The following SORCS1 variants were observed in gnomAD, a reference collection of about 807,000 sequenced individuals.
The protein encoded by SORCS1 is sortilin related VPS10 domain containing receptor 1.
SORCS1 carries 60 observed loss-of-function variants against 146.1 expected under a neutral mutation model. The observed-to-expected ratio is 0.41, with a 90% CI of 0.33 to 0.51. The LOEUF is 0.51. SORCS1 is among the 20% of genes least tolerant of loss of function. The probability of loss-of-function intolerance (pLI) is 0.21; values close to 1 mark genes in which losing one functional copy is unlikely to be tolerated. For synonymous variants in SORCS1, 637 were observed against 584.0 expected, an observed-to-expected ratio of 1.09 and a Z score of -1.31; for missense variants, 1,352 against 1,487.6, an observed-to-expected ratio of 0.91 and a Z score of 1.50.
chr10:106,877,237 A>G (rs567855118), intron 2 of SORCS1, among the ~76,000 whole-genome samples: 1 of 152,282 alleles, frequency 6.6e-6, no homozygotes, highest in South Asian at 2.1e-4. Context: ...ATGGGCTGTA[A>G]GAGAAAAATG....
intron 1 of SORCS1, among the ~76,000 whole-genome samples, chr10:106,957,651 A>G (rs1476956284): frequency 6.6e-6 from 1 of 151,858 alleles, no homozygotes; most frequent in East Asian, 1.9e-4. Context: ...ACCGTGTAAT[A>G]TATTTCTTAT....
intron 1 of SORCS1, 49 bp downstream of exon 1, chr10:107,163,920 A>C: frequency 5.8e-6 from 9 of 1,563,952 alleles, no homozygotes; most frequent in Non-Finnish European, 7.8e-6. Context: ...AGCCGACTTT[A>C]ACCCTTTCCA....
intron 2 of SORCS1, among the ~76,000 whole-genome samples, chr10:106,890,503 G>A (rs562513949): frequency 2.0e-5 from 3 of 152,256 alleles, no homozygotes; most frequent in Admixed American, 2.0e-4. Flanking sequence ...AAATGTGATC[G>A]CTAGCGATGA....
chr10:107,007,094 G>A (rs1385988586), intron 1 of SORCS1, among the ~76,000 whole-genome samples: 1 of 152,052 alleles, frequency 6.6e-6, no homozygotes, highest in Non-Finnish European at 1.5e-5. Context: ...TGTTAACCTT[G>A]GTCTAAAACT....
chr10:106,741,170 G>A (rs1857333704), intron 5 of SORCS1, among the ~76,000 whole-genome samples: 2 of 152,254 alleles, frequency 1.3e-5, no homozygotes, highest in African/African-American at 4.8e-5. Context: ...CACTCAGAGT[G>A]TATCAAGGTT....
At position 106,709,121 on chromosome 10, in the gene SORCS1, CCT is replaced by C. The variant is rs556885534; in HGVS notation, c.1143+100_1143+101del. 149 of 820,846 alleles carry C rather than the reference CCT, an allele frequency of 1.8e-4. No individual in the cohort carries two copies. The African/African-American group carries it at 2.3e-3, about 13-fold the overall frequency. 50.8% of individuals were successfully genotyped at this position (820,846 alleles called of 1,614,324 possible). On this transcript the variant is annotated intron_variant, in intron 7 of 25. Transcript: ENST00000263054. ...CCCTACCTCCTTCCCTCCCTCCCAT[CCT>C]CTCTTTTTGACTCTTAATGGAGTGT...
intron 2 of SORCS1, among the ~76,000 whole-genome samples, chr10:106,920,940 G>A (rs1952680990): frequency 6.6e-6 from 1 of 151,984 alleles, no homozygotes; most frequent in African/African-American, 2.4e-5. Context: ...TCTGTTGAAC[G>A]AGACCTGAGA....
At chr10:106,649,683 T>C (rs549269650) in intron 18 of SORCS1, among the ~76,000 whole-genome samples, 1 of 152,292 alleles carries the variant, frequency 6.6e-6, no homozygotes, top group African/African-American at 2.4e-5. Context: ...AGCCCTGATC[T>C]TTTCAAAAAT....
chr10:106,622,901 T>C (rs1010797628), intron 19 of SORCS1, among the ~76,000 whole-genome samples: 17 of 152,202 alleles, frequency 1.1e-4, no homozygotes, highest in African/African-American at 3.9e-4. Flanking sequence ...AAAATAGCTA[T>C]TAAGAGTTGC....
Position 106,849,037 on chromosome 10 carries a change from C to G in SORCS1, c.627-19364G>C, listed in dbSNP as rs1477834554. 9.5e-4 allele frequency among the ~76,000 whole-genome samples: 142 copies of G among 148,720 alleles called. 1 individual carries two copies. The highest frequency in any genetic ancestry group is 1.1e-3 in the Admixed American group (16 of 14,952). On this transcript the variant is annotated intron_variant, in intron 2 of 25. Coordinates refer to ENST00000263054, the MANE Select transcript of SORCS1 (RefSeq NM_052918.5). Reference sequence around the variant, plus strand: ...CTTAACATTTTTTCCTTCATTTCAACTTTGGTGAATCTGACAATTATGTGT... The same window carrying G: ...CTTAACATTTTTTCCTTCATTTCAAGTTTGGTGAATCTGACAATTATGTGT...
intron 1 of SORCS1, among the ~76,000 whole-genome samples, chr10:107,019,616 A>G (rs1958045425): frequency 6.6e-6 from 1 of 152,196 alleles, no homozygotes; most frequent in South Asian, 2.1e-4. Flanking sequence ...GGCTCCTTCT[A>G]GCAGGCAACC....
At chr10:106,999,903 C>A (rs1355521606) in intron 1 of SORCS1, among the ~76,000 whole-genome samples, 2 of 150,688 alleles carry the variant, frequency 1.3e-5, no homozygotes, top group African/African-American at 5.0e-5. Flanking sequence ...TGAAAATATA[C>A]CTGGATCATG....
intron 2 of SORCS1, among the ~76,000 whole-genome samples, chr10:106,924,466 GATCTATCTATCTATCT>G (rs35692327): frequency 1.1e-4 from 15 of 130,760 alleles, no homozygotes; most frequent in East Asian, 4.5e-4. Flanking sequence ...CACAGTTATC[GATCTATCTATCTATCT>G]ATCTATCTAT....
chr10:106,832,239 A>AT (rs1320142724), intron 2 of SORCS1, among the ~76,000 whole-genome samples: 1 of 141,122 alleles, frequency 7.1e-6, no homozygotes, highest in Non-Finnish European at 1.5e-5. Context: ...CCCAGGCTGG[A>AT]GTGCAGTTGG....
intron 20 of SORCS1, among the ~76,000 whole-genome samples, chr10:106,619,288 T>C (rs1310354049): frequency 1.3e-5 from 2 of 152,208 alleles, no homozygotes; most frequent in East Asian, 3.9e-4. Context: ...ACACATAGTT[T>C]CAGGTGAAAT....
Position 106,607,231 on chromosome 10 carries a change from G to T in SORCS1, c.3100C>A (p.Leu1034Ile), listed in dbSNP as rs779173111. The T allele has an allele frequency of 6.2e-6, 10 of 1,614,156 alleles. No homozygotes were observed. Among genetic ancestry groups the T allele is most frequent in the Non-Finnish European group, 8.5e-6 (10 of 1,179,992 alleles). The change falls in exon 23 of 26, where the codon CTC (leucine) becomes ATC (isoleucine). Residue 1034 changes from leucine (L) to isoleucine (I), a missense_variant. This residue lies in a region of SORCS1 where 214 missense variants were observed against 204.8 expected (regional missense o/e 1.05). Coordinates refer to ENST00000263054, the MANE Select transcript of SORCS1 (RefSeq NM_052918.5). ...VLPGLPTTAELFVLPYQDPAG... is the reference protein window; with the variant it reads ...VLPGLPTTAEIFVLPYQDPAG... Reference sequence around the variant, plus strand: ...GGATCCTGATAGGGTAGGACAAAGAGTTCAGCAGTGGTGGGTAAGCCAGGG... The same window carrying T: ...GGATCCTGATAGGGTAGGACAAAGATTTCAGCAGTGGTGGGTAAGCCAGGG...
At chr10:106,733,552 T>G (rs145857369) in intron 5 of SORCS1, among the ~76,000 whole-genome samples, 1 of 152,352 alleles carries the variant, frequency 6.6e-6, no homozygotes, top group African/African-American at 2.4e-5. Flanking sequence ...CTAGCCTATA[T>G]ATGCTGCTAA....
chr10:107,016,254 C>T (rs1035506836), intron 1 of SORCS1, among the ~76,000 whole-genome samples: 3 of 152,138 alleles, frequency 2.0e-5, no homozygotes, highest in African/African-American at 4.8e-5. Context: ...GAAAAGATGG[C>T]TTTTTCTATA....
At chr10:106,943,991 G>A (rs1954182773) in intron 2 of SORCS1, among the ~76,000 whole-genome samples, 1 of 151,970 alleles carries the variant, frequency 6.6e-6, no homozygotes, top group South Asian at 2.1e-4. Context: ...CCAACAACTG[G>A]TCCTGTGCTT....
Sources: allele counts gnomAD v4.1 joint callset (sites outside exome capture counted in the v4.1 genomes callset), GRCh38; gene constraint gnomAD v4.1.1; regional missense constraint gnomAD v4.1.1; transcripts MANE v1.5; gene names NCBI Gene and HGNC (gene_info 2026-07-23, HGNC 2026-07-21).